Variants in ANO3 observed in about 807,000 individuals in gnomAD.
ANO3 encodes anoctamin 3.
In ANO3, 99 loss-of-function variants were observed where a neutral mutation model predicts 144.8. The ratio of observed to expected loss-of-function variants is 0.68; its 90% CI spans 0.58 to 0.81. ANO3 has a LOEUF of 0.81. ANO3 is among the 30% of genes least tolerant of loss of function. The pLI, the probability that ANO3 is intolerant of heterozygous loss-of-function variation, is 0.00. For synonymous variants in ANO3, 414 were observed against 392.6 expected, an observed-to-expected ratio of 1.05 and a Z score of -0.64; for missense variants, 905 against 1,202.2, an observed-to-expected ratio of 0.75 and a Z score of 3.66.
chr11:26,631,944 C>T (rs1452512985), intron 18 of ANO3, among the ~76,000 whole-genome samples: 6 of 151,992 alleles, frequency 3.9e-5, no homozygotes, highest in Non-Finnish European at 7.4e-5. Flanking sequence ...CTTTGGGAGG[C>T]CGAGGCAGCC....
intron 1 of ANO3, among the ~76,000 whole-genome samples, chr11:26,277,031 C>T (rs974963683): frequency 1.3e-5 from 2 of 152,052 alleles, no homozygotes; most frequent in African/African-American, 2.4e-5. Context: ...TAGTGGCTGC[C>T]ATTCATATTG....
At chr11:26,650,758 C>A (rs72881765) in intron 24 of ANO3, among the ~76,000 whole-genome samples, 9,867 of 152,170 alleles carry the variant, frequency 0.065, 344 homozygotes, top group Middle Eastern at 0.12. Flanking sequence ...TGTGCATAAA[C>A]CACTTTCTGC....
intron 1 of ANO3, among the ~76,000 whole-genome samples, chr11:26,213,796 CAAGA>C (rs1851982368): frequency 6.6e-6 from 1 of 151,890 alleles, no homozygotes; most frequent in Admixed American, 6.6e-5. Flanking sequence ...TTTGACTTTT[CAAGA>C]AAGAGTTAAA....
chr11:26,424,436 T>A (rs1411017488), intron 1 of ANO3, among the ~76,000 whole-genome samples: 1 of 152,078 alleles, frequency 6.6e-6, no homozygotes, highest in African/African-American at 2.4e-5. Context: ...CACATATTTA[T>A]CTGTTTGGTA....
At chr11:26,230,895 T>C (rs536011438) in intron 1 of ANO3, among the ~76,000 whole-genome samples, 2 of 149,808 alleles carry the variant, frequency 1.3e-5, no homozygotes, top group East Asian at 3.9e-4. Flanking sequence ...TTCTTTTTTT[T>C]TTTTTTTCTT....
intron 14 of ANO3, among the ~76,000 whole-genome samples, chr11:26,598,119 G>A (rs1055852294): frequency 1.3e-5 from 2 of 152,286 alleles, no homozygotes; most frequent in South Asian, 2.1e-4. Flanking sequence ...TTGATGAGCT[G>A]TGCTGACAAA....
chr11:26,214,514 A>G (rs1272203974), intron 1 of ANO3, among the ~76,000 whole-genome samples: 1 of 152,020 alleles, frequency 6.6e-6, no homozygotes, highest in Non-Finnish European at 1.5e-5. Flanking sequence ...CAGATCCCCA[A>G]TATCAGAAAT....
At chr11:26,398,459 A>C (rs2133971408) in intron 1 of ANO3, among the ~76,000 whole-genome samples, 1 of 152,254 alleles carries the variant, frequency 6.6e-6, no homozygotes, top group African/African-American at 2.4e-5. Context: ...AAAAGCATGA[A>C]CCAAAGCAAT....
At chr11:26,616,512 C>G (rs1222977740) in intron 17 of ANO3, among the ~76,000 whole-genome samples, 1 of 145,130 alleles carries the variant, frequency 6.9e-6, no homozygotes, top group Non-Finnish European at 1.5e-5. Flanking sequence ...GATTAATGAA[C>G]TAGCTTAATA....
rs368481039 is a variant in ANO3, at chr11:26,567,570, G to T, written c.1447+7791G>T. Among the ~76,000 whole-genome samples the T allele has an allele frequency of 3.8e-4, 58 of 152,084 alleles. 1 individual carries two copies. The East Asian group carries it at 0.011, about 29-fold the overall frequency. On this transcript the variant is annotated intron_variant, in intron 14 of 26. Transcript: ENST00000256737. Reference sequence around the variant, plus strand: ...CAACGTAAATATATCTATAATATATGTTAGTTATCTTCAAAATCTGATACT... The same window carrying T: ...CAACGTAAATATATCTATAATATATTTTAGTTATCTTCAAAATCTGATACT...
At chr11:26,263,246 G>C (rs1028845166) in intron 1 of ANO3, among the ~76,000 whole-genome samples, 1 of 152,152 alleles carries the variant, frequency 6.6e-6, no homozygotes, top group Non-Finnish European at 1.5e-5. Flanking sequence ...GCAAACCAAT[G>C]AGTCAAATTA....
intron 14 of ANO3, among the ~76,000 whole-genome samples, chr11:26,563,639 A>T (rs1014632614): frequency 6.6e-6 from 1 of 151,918 alleles, no homozygotes. Flanking sequence ...TGATGAAATG[A>T]ATTTTGCACT....
chr11:26,653,764 T>C (rs549856290), intron 24 of ANO3, among the ~76,000 whole-genome samples: 1 of 151,832 alleles, frequency 6.6e-6, no homozygotes, highest in African/African-American at 2.4e-5. Context: ...TCTTTCCTCG[T>C]GTTATCTTCC....
At chr11:26,522,211 C>CAA (rs1171963821) in intron 6 of ANO3, among the ~76,000 whole-genome samples, 1 of 142,530 alleles carries the variant, frequency 7.0e-6, no homozygotes, top group Non-Finnish European at 1.6e-5. Flanking sequence ...ACAACAACAA[C>CAA]AACAAAAAAA....
At chr11:26,272,282 T>C (rs1853456322) in intron 1 of ANO3, among the ~76,000 whole-genome samples, 1 of 151,898 alleles carries the variant, frequency 6.6e-6, no homozygotes, top group Non-Finnish European at 1.5e-5. Flanking sequence ...GTTGAATTGC[T>C]TGATACGTAC....
intron 1 of ANO3, among the ~76,000 whole-genome samples, chr11:26,198,752 T>C (rs765218573): frequency 6.6e-5 from 10 of 152,186 alleles, no homozygotes; most frequent in Admixed American, 3.3e-4. Flanking sequence ...GTTGTTGACA[T>C]AGTTTATGCC....
At chr11:26,292,388 C>G (rs563939194) in intron 1 of ANO3, among the ~76,000 whole-genome samples, 1 of 152,118 alleles carries the variant, frequency 6.6e-6, no homozygotes, top group South Asian at 2.1e-4. Context: ...TTTGTTATTA[C>G]CAATCTTCTG....
intron 6 of ANO3, among the ~76,000 whole-genome samples, chr11:26,519,978 T>A (rs1289448864): frequency 1.3e-5 from 2 of 151,318 alleles, no homozygotes; most frequent in East Asian, 1.9e-4. Flanking sequence ...TTTACTAATT[T>A]AAAAAAAAAT....
intron 1 of ANO3, among the ~76,000 whole-genome samples, chr11:26,390,108 G>A (rs1011102674): frequency 6.6e-6 from 1 of 152,024 alleles, no homozygotes; most frequent in African/African-American, 2.4e-5. Flanking sequence ...AAGTGTCTTC[G>A]AACTGTTAGA....
Sources: gnomAD v4.1 joint callset for allele counts (sites outside exome capture counted in the v4.1 genomes callset) on GRCh38, gnomAD v4.1.1 for gene constraint, MANE v1.5 for transcripts, NCBI Gene and HGNC (gene_info 2026-07-23, HGNC 2026-07-21) for gene names.